MTMR7: variants seen among roughly 807,000 people sequenced by gnomAD.
MTMR7 encodes myotubularin related protein 7.
MTMR7 carries 76 observed loss-of-function variants against 81.2 expected under a neutral mutation model. The observed-to-expected ratio is 0.94, with a 90% CI of 0.78 to 1.13. The LOEUF (loss-of-function observed/expected upper bound fraction) is 1.13. Among genes scored for constraint, MTMR7 ranks in the 50% most tolerant of loss-of-function variants. The pLI is 0.00. For synonymous variants in MTMR7, 372 were observed against 289.8 expected, an observed-to-expected ratio of 1.28 and a Z score of -2.88; for missense variants, 1,044 against 820.0, an observed-to-expected ratio of 1.27 and a Z score of -3.34.
At chr8:17,324,792 G>C (rs1563333651) in intron 7 of MTMR7, among the ~76,000 whole-genome samples, 1 of 152,138 alleles carries the variant, frequency 6.6e-6, no homozygotes, top group South Asian at 2.1e-4. Flanking sequence ...GCCAAATTTT[G>C]AGAAAGAAAT....
intron 1 of MTMR7, among the ~76,000 whole-genome samples, chr8:17,390,311 T>G (rs77140218): frequency 0.07 from 10,327 of 148,084 alleles, 970 homozygotes; most frequent in African/African-American, 0.21. Context: ...CAAGAAAGAG[T>G]GAGGGAGGAG....
At chr8:17,335,189 G>C (rs759285397) in intron 6 of MTMR7, among the ~76,000 whole-genome samples, 1 of 152,162 alleles carries the variant, frequency 6.6e-6, no homozygotes, top group East Asian at 1.9e-4. Flanking sequence ...AAACCTCAGC[G>C]CTGACAGAGA....
intron 1 of MTMR7, among the ~76,000 whole-genome samples, chr8:17,390,967 C>A (rs955799233): frequency 2.0e-5 from 3 of 152,134 alleles, no homozygotes; most frequent in Non-Finnish European, 2.9e-5. Flanking sequence ...TATCAGGTGC[C>A]CAGGGAAGTC....
intron 5 of MTMR7, among the ~76,000 whole-genome samples, chr8:17,348,695 A>C (rs573041088): frequency 6.6e-6 from 1 of 152,280 alleles, no homozygotes; most frequent in South Asian, 2.1e-4. Flanking sequence ...ATTCACTTGC[A>C]TGATTAGCTT....
intron 11 of MTMR7, 151 bp downstream of exon 11, chr8:17,305,606 G>T: frequency 1.6e-6 from 1 of 623,590 alleles, no homozygotes. Flanking sequence ...TTTATGAAAT[G>T]ACACCAGGAA....
rs187235403 is a variant in MTMR7 at position 17,382,442 on chromosome 8, G to C, written c.25-9202C>G. Among the ~76,000 whole-genome samples, 60 of 152,320 alleles carry C rather than the reference G, an allele frequency of 3.9e-4. No homozygotes were observed. In the Middle Eastern group the frequency reaches 0.01, roughly 26 times the overall value. On this transcript the variant is annotated intron_variant, in intron 1 of 13. Coordinates refer to ENST00000180173, the MANE Select transcript of MTMR7 (RefSeq NM_004686.5). ...TAGAGCACTTGGTAACATTTCCTGA[G>C]TTATTTCTGTCTCTCATAATTAAGT...
At chr8:17,306,017 T>G (rs1817431038) in intron 10 of MTMR7, 60 bp from the exon 11 acceptor site, 1 of 1,405,220 alleles carries the variant, frequency 7.1e-7, no homozygotes, top group Non-Finnish European at 9.8e-7. Context: ...TACAAAGCCA[T>G]AAATGCAAAA....
chr8:17,320,389 G>T (rs1056815080), intron 7 of MTMR7, among the ~76,000 whole-genome samples: 5 of 152,066 alleles, frequency 3.3e-5, no homozygotes, highest in Admixed American at 2.6e-4. Flanking sequence ...AAGACGGAGG[G>T]TGTGGTAAAG....
intron 3 of MTMR7, among the ~76,000 whole-genome samples, chr8:17,370,060 C>T (rs1337082627): frequency 2.0e-5 from 3 of 151,642 alleles, no homozygotes; most frequent in African/African-American, 4.9e-5. Flanking sequence ...CCCAAGATGA[C>T]GGCTGGAACA....
intron 1 of MTMR7, among the ~76,000 whole-genome samples, chr8:17,397,172 T>C (rs7832442): frequency 0.46 from 70,076 of 151,116 alleles, 18,134 homozygotes; most frequent in Admixed American, 0.62. Flanking sequence ...GAGAGACTCC[T>C]TGTGCTTGAA....
chr8:17,358,984 C>T (rs1430891909), intron 4 of MTMR7, among the ~76,000 whole-genome samples: 6 of 152,148 alleles, frequency 3.9e-5, no homozygotes, highest in South Asian at 2.1e-4. Flanking sequence ...GCCTCAACCT[C>T]GCAGGCTCAA....
chr8:17,378,806 T>C lies in MTMR7; in HGVS notation c.25-5566A>G, dbSNP rs555705819. On this transcript the variant is annotated intron_variant, in intron 1 of 13. Transcript: ENST00000180173. ...TGTGTCATTTCATTGGCAGTGCTTC[T>C]TTCTTCTTTTGTGGTTCATAAAATC... Among the ~76,000 whole-genome samples, 8 of 152,378 alleles carry C rather than the reference T, an allele frequency of 5.3e-5. No individual in the cohort carries two copies. The South Asian group carries it at 1.7e-3, about 32-fold the overall frequency.
At chr8:17,317,145 G>T (rs1818130451) in intron 7 of MTMR7, among the ~76,000 whole-genome samples, 4 of 152,144 alleles carry the variant, frequency 2.6e-5, no homozygotes. Flanking sequence ...TGTGTTGTGG[G>T]GGTGTGGTCT....
chr8:17,343,927 A>G (rs1440144379), intron 5 of MTMR7, among the ~76,000 whole-genome samples: 2 of 152,200 alleles, frequency 1.3e-5, no homozygotes, highest in Non-Finnish European at 2.9e-5. Flanking sequence ...TTTCTTACTG[A>G]TGTCAGAGCA....
intron 3 of MTMR7, among the ~76,000 whole-genome samples, chr8:17,361,855 T>A (rs1353574185): frequency 6.6e-6 from 1 of 152,176 alleles, no homozygotes; most frequent in East Asian, 1.9e-4. Context: ...TGCATAAGAT[T>A]CATAAAAAAA....
intron 4 of MTMR7, among the ~76,000 whole-genome samples, chr8:17,359,165 T>C (rs554069659): frequency 2.6e-5 from 4 of 152,206 alleles, no homozygotes; most frequent in African/African-American, 9.6e-5. Flanking sequence ...CACGAACTGT[T>C]GGGATTACAG....
At position 17,312,446 on chromosome 8, in the gene MTMR7, G is replaced by A. The variant is rs190971756; in HGVS notation, c.976-810C>T. Among the ~76,000 whole-genome samples, 639 of 152,030 alleles carry A rather than the reference G, an allele frequency of 4.2e-3. 2 individuals carry two copies. The highest frequency in any genetic ancestry group is 0.015 in the African/African-American group (606 of 41,466). On this transcript the variant is annotated intron_variant, in intron 8 of 13. Transcript: ENST00000180173. The stretch of plus-strand genomic sequence containing the variant: ...AAAAATTAGCCAGGCATAGTGGCGC[G>A]TGCCAGTAATTCCAGCTACTTGGGA...
intron 1 of MTMR7, among the ~76,000 whole-genome samples, chr8:17,378,824 A>C (rs1029064161): frequency 6.6e-6 from 1 of 152,236 alleles, no homozygotes; most frequent in Non-Finnish European, 1.5e-5. Context: ...TTTGTGGTTC[A>C]TAAAATCTTG....
intron 1 of MTMR7, among the ~76,000 whole-genome samples, chr8:17,389,037 A>G (rs964430498): frequency 9.9e-5 from 15 of 152,200 alleles, no homozygotes; most frequent in African/African-American, 2.7e-4. Flanking sequence ...CTGAGGCCCA[A>G]TAAGCAAAGC....
Sources: allele counts gnomAD v4.1 joint callset (sites outside exome capture counted in the v4.1 genomes callset), GRCh38; gene constraint gnomAD v4.1.1; transcripts MANE v1.5; gene names NCBI Gene and HGNC (gene_info 2026-07-23, HGNC 2026-07-21).